CDK17: variants seen among roughly 807,000 people sequenced by gnomAD.
The protein encoded by CDK17 is cyclin-dependent kinase 17.
CDK17 carries 24 observed loss-of-function variants against 77.6 expected under a neutral mutation model. That is an observed-to-expected ratio of 0.31 (90% CI 0.22 to 0.44). The LOEUF is 0.44. CDK17 is among the 20% of genes least tolerant of loss of function. The pLI is 1.00. For missense variants in CDK17, 429 were observed against 622.5 expected (o/e 0.69, Z 3.31); for synonymous variants, 203 against 210.4 (o/e 0.96, Z 0.30).
chr12:96,375,409 G>T (rs910176522), intron 1 of CDK17, among the ~76,000 whole-genome samples: 5 of 151,254 alleles, frequency 3.3e-5, no homozygotes, highest in African/African-American at 1.2e-4. Context: ...CTAAGTCCTG[G>T]CACAAGCATT....
intron 10 of CDK17, 61 bp downstream of exon 10, chr12:96,294,938 T>G (rs767264668): frequency 2.4e-5 from 34 of 1,398,294 alleles, no homozygotes; most frequent in Non-Finnish European, 3.3e-5. Flanking sequence ...CAGTGGTTGA[T>G]CTTTTAACCA....
At chr12:96,337,926 C>T (rs758595140) in intron 1 of CDK17, among the ~76,000 whole-genome samples, 5 of 152,180 alleles carry the variant, frequency 3.3e-5, no homozygotes, top group African/African-American at 1.2e-4. Flanking sequence ...AGATAACCTC[C>T]GAGCCCTTGG....
chr12:96,382,168 G>A (rs1386740671), intron 1 of CDK17, among the ~76,000 whole-genome samples: 1 of 151,894 alleles, frequency 6.6e-6, no homozygotes, highest in Non-Finnish European at 1.5e-5. Context: ...TCACAGCACC[G>A]ATTTAAAATA....
chr12:96,334,934 G>A (rs918204005), intron 1 of CDK17, 69 bp from the exon 2 acceptor site: 2 of 714,240 alleles, frequency 2.8e-6, no homozygotes, highest in Non-Finnish European at 5.0e-6. Context: ...ATACCGCCTG[G>A]GTTTACTGGA....
chr12:96,311,383 T>C (rs1952643914), intron 4 of CDK17, among the ~76,000 whole-genome samples: 1 of 151,786 alleles, frequency 6.6e-6, no homozygotes, highest in Non-Finnish European at 1.5e-5. Flanking sequence ...GTTACAGAAA[T>C]GAAATTTTGC....
intron 1 of CDK17, among the ~76,000 whole-genome samples, chr12:96,342,963 T>TA (rs34026126): frequency 0.44 from 65,427 of 149,876 alleles, 15,111 homozygotes; most frequent in African/African-American, 0.59. Context: ...AACTCTGTCT[T>TA]AAAAAAAAAA....
chr12:96,377,461 A>T (rs1953797101), intron 1 of CDK17, among the ~76,000 whole-genome samples: 1 of 152,188 alleles, frequency 6.6e-6, no homozygotes, highest in African/African-American at 2.4e-5. Flanking sequence ...CAAAGAAGGG[A>T]AAAAACGTAA....
intron 5 of CDK17, among the ~76,000 whole-genome samples, 197 bp from the exon 6 acceptor site, chr12:96,300,557 C>T (rs1167922841): frequency 6.6e-6 from 1 of 152,022 alleles, no homozygotes; most frequent in Non-Finnish European, 1.5e-5. Flanking sequence ...GCACCAAGCC[C>T]GGCAAATTTT....
intron 16 of CDK17, 137 bp downstream of exon 16, chr12:96,280,671 C>T: frequency 3.4e-6 from 5 of 1,449,700 alleles, no homozygotes; most frequent in Non-Finnish European, 4.5e-6. Context: ...ACGTGCAATG[C>T]TAAACATAAA....
At chr12:96,389,513 A>G (rs4762298) in intron 1 of CDK17, among the ~76,000 whole-genome samples, 32,674 of 152,108 alleles carry the variant, frequency 0.21, 4,390 homozygotes, top group Middle Eastern at 0.32. Flanking sequence ...TGGAGAAGGG[A>G]GGGATCAACA....
chr12:96,355,390 T>C (rs1953377146), intron 1 of CDK17, among the ~76,000 whole-genome samples: 1 of 144,550 alleles, frequency 6.9e-6, no homozygotes, highest in Non-Finnish European at 1.5e-5. Flanking sequence ...TCTAACATTC[T>C]ACATTGGGTT....
chr12:96,326,491 T>C (rs926333565), intron 2 of CDK17, among the ~76,000 whole-genome samples: 1 of 152,194 alleles, frequency 6.6e-6, no homozygotes, highest in African/African-American at 2.4e-5. Context: ...GGAAGATGGT[T>C]AAGTTGTGGA....
At chr12:96,315,098 AG>A (rs2137110720) in intron 3 of CDK17, among the ~76,000 whole-genome samples, 1 of 152,354 alleles carries the variant, frequency 6.6e-6, no homozygotes, top group Non-Finnish European at 1.5e-5. Context: ...CTAACAATCA[AG>A]GAATGGCCTA....
Position 96,368,725 on chromosome 12 carries a change from A to G in CDK17, c.-30+31261T>C, listed in dbSNP as rs1019297548. 2.0e-5 allele frequency among the ~76,000 whole-genome samples: 3 copies of G among 149,712 alleles called. No homozygotes were observed. The East Asian group carries it at 6.1e-4, about 30-fold the overall frequency. ...TATTTTGACACTTTGATATGAAACC[A>G]TAATACTGGCTCCAGAGTCTGCCTT... On this transcript the variant is annotated intron_variant, in intron 1 of 16. Transcript: ENST00000261211.
chr12:96,392,063 G>C (rs546387697), intron 1 of CDK17, among the ~76,000 whole-genome samples: 1 of 151,924 alleles, frequency 6.6e-6, no homozygotes, highest in African/African-American at 2.4e-5. Context: ...AAAAAAACAC[G>C]GCCTCTCTGG....
chr12:96,399,726 G>A (rs1430585491), intron 1 of CDK17, among the ~76,000 whole-genome samples: 1 of 152,120 alleles, frequency 6.6e-6, no homozygotes. Context: ...GGCGCCTCCT[G>A]GGAAGCAGCT....
At position 96,280,954 on chromosome 12, in the gene CDK17, CA is replaced by C. The variant is rs1322298073; in HGVS notation, c.1457-70del. ...AAAACAAACACAACCCTACTATCAA[CA>C]AATGTTTATAAAGCATATACTGATT... On this transcript the variant is annotated intron_variant, in intron 15 of 16. Transcript: ENST00000261211. 10 of 1,255,482 alleles carry C rather than the reference CA, an allele frequency of 8.0e-6. No homozygotes were observed. The African/African-American group carries it at 1.4e-4, about 17-fold the overall frequency. 77.8% of individuals were successfully genotyped at this position (1,255,482 alleles called of 1,614,324 possible).
At chr12:96,375,339 C>A (rs1349173170) in intron 1 of CDK17, among the ~76,000 whole-genome samples, 1 of 152,038 alleles carries the variant, frequency 6.6e-6, no homozygotes, top group Admixed American at 6.6e-5. Context: ...CACTCCTCTG[C>A]AGATTTATTC....
intron 1 of CDK17, among the ~76,000 whole-genome samples, chr12:96,365,770 G>T (rs1342045021): frequency 6.6e-6 from 1 of 152,178 alleles, no homozygotes; most frequent in African/African-American, 2.4e-5. Context: ...AGCTGGGCAT[G>T]GTGCCATGCA....
Sources: allele counts gnomAD v4.1 joint callset (sites outside exome capture counted in the v4.1 genomes callset), GRCh38; gene constraint gnomAD v4.1.1; transcripts MANE v1.5; gene names NCBI Gene and HGNC (gene_info 2026-07-23, HGNC 2026-07-21).